LIMCH1: variants seen among roughly 807,000 people sequenced by gnomAD.
The protein encoded by LIMCH1 is LIM and calponin homology domains 1.
Under a neutral mutation model 176.5 loss-of-function variants are expected in LIMCH1, and 113 were observed. The observed-to-expected ratio is 0.64, with a 90% CI of 0.55 to 0.75. The LOEUF (loss-of-function observed/expected upper bound fraction) is 0.75, where lower values mean the gene tolerates loss of function less well. Ranked by LOEUF, LIMCH1 falls within the 30% of genes least tolerant of loss-of-function variation. The pLI is 0.00. For missense variants in LIMCH1, 1,674 were observed against 1,814.9 expected (o/e 0.92, Z 1.41); for synonymous variants, 619 against 645.9 (o/e 0.96, Z 0.63).
At chr4:41,430,985 G>C (rs955795654) in intron 1 of LIMCH1, among the ~76,000 whole-genome samples, 1 of 152,106 alleles carries the variant, frequency 6.6e-6, no homozygotes, top group Non-Finnish European at 1.5e-5. Context: ...CAATGCACAA[G>C]CAAGTTTGTC....
intron 1 of LIMCH1, among the ~76,000 whole-genome samples, chr4:41,412,045 T>C (rs184094694): frequency 8.1e-4 from 122 of 150,164 alleles, no homozygotes; most frequent in East Asian, 2.0e-4. Flanking sequence ...TGTGCATTTT[T>C]AAAAACCAGC....
At chr4:41,471,144 T>C (rs1429097746) in intron 1 of LIMCH1, among the ~76,000 whole-genome samples, 3 of 151,726 alleles carry the variant, frequency 2.0e-5, no homozygotes, top group Non-Finnish European at 4.4e-5. Context: ...AATTGTAGAA[T>C]AGCAACAGTT....
At chr4:41,571,513 GA>G (rs2083558393) in intron 1 of LIMCH1, among the ~76,000 whole-genome samples, 1 of 152,106 alleles carries the variant, frequency 6.6e-6, no homozygotes, top group South Asian at 2.1e-4. Flanking sequence ...AGAGAAGCAG[GA>G]GGTTGGATTT....
intron 1 of LIMCH1, among the ~76,000 whole-genome samples, chr4:41,433,602 T>C (rs2061793944): frequency 6.6e-6 from 1 of 152,034 alleles, no homozygotes; most frequent in Non-Finnish European, 1.5e-5. Context: ...CCTCATAGCA[T>C]GGTGGTTTCA....
At chr4:41,419,642 CTTTCTTCCTCCTTCCTTCCT>C (rs1561311164) in intron 1 of LIMCH1, among the ~76,000 whole-genome samples, 19 of 81,696 alleles carry the variant, frequency 2.3e-4, no homozygotes, top group African/African-American at 1.5e-3. Context: ...TTCCTCCTTC[CTTTCTTCCTCCTTCCTTCCT>C]TCCTTCCTTC....
chr4:41,556,430 TATC>T (rs1255854864), intron 1 of LIMCH1, among the ~76,000 whole-genome samples: 1 of 133,438 alleles, frequency 7.5e-6, no homozygotes, highest in East Asian at 2.2e-4. Flanking sequence ...AAAAAGAAAA[TATC>T]ATAACATGCA....
At chr4:41,363,290 C>A (rs1327135058) in intron 1 of LIMCH1, among the ~76,000 whole-genome samples, 4 of 152,010 alleles carry the variant, frequency 2.6e-5, no homozygotes, top group Non-Finnish European at 5.9e-5. Flanking sequence ...GGTGGGGGGG[C>A]GGATTGGGGA....
At chr4:41,613,730 C>A in intron 5 of LIMCH1, 69 bp downstream of exon 5, 3 of 1,344,804 alleles carry the variant, frequency 2.2e-6, no homozygotes, top group Non-Finnish European at 3.2e-6. Flanking sequence ...TTGCGCCTGG[C>A]AGAGGGATGG....
chr4:41,642,982 A>G (rs2152919240), intron 14 of LIMCH1, among the ~76,000 whole-genome samples: 1 of 152,068 alleles, frequency 6.6e-6, no homozygotes, highest in Non-Finnish European at 1.5e-5. Flanking sequence ...GCTAATAGAA[A>G]CCTCAGCTAA....
At position 41,619,191 on chromosome 4, in the gene LIMCH1, G is replaced by A; in HGVS notation, c.209G>A (p.Arg70Lys). 3 of 1,614,166 alleles carry A rather than the reference G, an allele frequency of 1.9e-6. No individual in the cohort carries two copies. Among genetic ancestry groups the A allele is most frequent in the Non-Finnish European group, 2.5e-6 (3 of 1,180,010 alleles). Residue 70 changes from arginine (R) to lysine (K), a missense_variant, in exon 6 of 32, where the codon AGA (arginine) becomes AAA (lysine). Physicochemically the swap from Arg to Lys is conservative, Grantham distance 26 (BLOSUM62 2). Transcript: ENST00000503057. Reference sequence around the variant, plus strand: ...GTACCCATCCTCTCTTCCCTAGGGAGAGGAAGCGACTCTGAATCCGACTTG... The same window carrying A: ...GTACCCATCCTCTCTTCCCTAGGGAAAGGAAGCGACTCTGAATCCGACTTG... ...DVVLRGSSDG[R>K]GSDSESDLPH... is the part of the protein sequence containing the mutation.
intron 1 of LIMCH1, among the ~76,000 whole-genome samples, chr4:41,577,514 C>T (rs540040753): frequency 8.5e-5 from 13 of 152,300 alleles, no homozygotes; most frequent in African/African-American, 3.1e-4. Context: ...ACTGCAGCCT[C>T]AACCCTTTAG....
intron 1 of LIMCH1, among the ~76,000 whole-genome samples, chr4:41,542,015 G>T (rs2078726823): frequency 6.6e-6 from 1 of 152,162 alleles, no homozygotes; most frequent in Admixed American, 6.5e-5. Context: ...TTGTGGTAGA[G>T]CAGCGATGTG....
intron 8 of LIMCH1, 69 bp from the exon 9 acceptor site, chr4:41,629,423 C>G: frequency 6.6e-7 from 1 of 1,504,022 alleles, no homozygotes; most frequent in Non-Finnish European, 8.9e-7. Context: ...GCTTGACATT[C>G]TCTTTGTCTG....
At chr4:41,682,192 C>A in intron 25 of LIMCH1, 141 bp from the exon 26 acceptor site, 1 of 531,124 alleles carries the variant, frequency 1.9e-6, no homozygotes, top group East Asian at 3.4e-5. Context: ...AAATCAGTTG[C>A]TATTCAGTTA....
At chr4:41,535,330 C>G (rs1400051739), upstream of LIMCH1, among the ~76,000 whole-genome samples, 2 of 151,952 alleles carry the variant, frequency 1.3e-5, no homozygotes, top group African/African-American at 4.8e-5. Context: ...ATGGCCATAA[C>G]AAAGTACCAC....
At chr4:41,627,086 T>C (rs2093014530) in intron 8 of LIMCH1, 76 bp downstream of exon 8, 1 of 1,465,890 alleles carries the variant, frequency 6.8e-7, no homozygotes, top group Non-Finnish European at 9.0e-7. Flanking sequence ...GAGGACATAA[T>C]TAAGTGAAGT....
rs576837471 is a variant in LIMCH1 at position 41,436,928 on chromosome 4, A to G, written c.97-57608A>G. ...AATCTGAAAATGAAAGCCATCTCCA[A>G]TGTCTCCTAGGTAATATGTCAAATA... On this transcript the variant is annotated intron_variant, in intron 1 of 26. Transcript: ENST00000313860. Among the ~76,000 whole-genome samples, 9 of 152,294 alleles carry G rather than the reference A, an allele frequency of 5.9e-5. No individual in the cohort carries two copies. In the South Asian group the frequency reaches 1.9e-3, roughly 32 times the overall value.
At chr4:41,416,735 G>C (rs1158367291) in intron 1 of LIMCH1, among the ~76,000 whole-genome samples, 2 of 151,452 alleles carry the variant, frequency 1.3e-5, no homozygotes, top group East Asian at 3.9e-4. Context: ...ACACAATATA[G>C]TATTAGGCAG....
chr4:41,361,068 AC>A (rs932671217), intron 1 of LIMCH1: 54 of 515,910 alleles, frequency 1.0e-4, no homozygotes, highest in Non-Finnish European at 1.5e-4. Flanking sequence ...GCTCCAGGTC[AC>A]CCCCCCGGGC....
Sources: allele counts gnomAD v4.1 joint callset (sites outside exome capture counted in the v4.1 genomes callset), GRCh38; gene constraint gnomAD v4.1.1; transcripts MANE v1.5; gene names NCBI Gene and HGNC (gene_info 2026-07-23, HGNC 2026-07-21).